Variants in ALDH1L1 observed in about 807,000 individuals in gnomAD.
The protein encoded by ALDH1L1 is aldehyde dehydrogenase 1 family member L1.
In ALDH1L1, 68 loss-of-function variants were observed where a neutral mutation model predicts 101.1. The ratio of observed to expected loss-of-function variants is 0.67; its 90% CI spans 0.55 to 0.82. The LOEUF (loss-of-function observed/expected upper bound fraction) is 0.82. Among genes scored for constraint, ALDH1L1 ranks in the 40% least tolerant of loss-of-function variants. The pLI, the probability that ALDH1L1 is intolerant of heterozygous loss-of-function variation, is 0.00. For synonymous variants in ALDH1L1, 486 were observed against 470.8 expected, an observed-to-expected ratio of 1.03 and a Z score of -0.42; for missense variants, 1,087 against 1,172.7, an observed-to-expected ratio of 0.93 and a Z score of 1.07.
chr3:126,170,197 T>G (rs2081247261), intron 1 of ALDH1L1, among the ~76,000 whole-genome samples: 1 of 152,176 alleles, frequency 6.6e-6, no homozygotes, highest in Non-Finnish European at 1.5e-5. Context: ...TTAAGCCAAC[T>G]ATTAAAACCT....
At position 126,149,999 on chromosome 3, in the gene ALDH1L1, G is replaced by A. The variant is rs189618686; in HGVS notation, c.984+407C>T. Among the ~76,000 whole-genome samples, 796 of 152,346 alleles carry A rather than the reference G, an allele frequency of 5.2e-3. 5 individuals carry two copies. Among genetic ancestry groups the A allele is most frequent in the Non-Finnish European group, 7.4e-3 (504 of 68,028 alleles). On this transcript the variant is annotated intron_variant, in intron 8 of 22. Transcript: ENST00000393434. ...TGGGGCAAAGCTGGATTGGAGACCA[G>A]GTGTGCCTTATGGGCAGCTTGTGTT...
chr3:126,188,719 T>C (rs2108353017), intron 1 of ALDH1L1, among the ~76,000 whole-genome samples: 1 of 152,292 alleles, frequency 6.6e-6, no homozygotes, highest in Non-Finnish European at 1.5e-5. Flanking sequence ...AATAAATAGA[T>C]ACCATTTAAT....
chr3:126,193,986 T>C (rs978814021), intron 1 of ALDH1L1, among the ~76,000 whole-genome samples: 11 of 152,208 alleles, frequency 7.2e-5, no homozygotes, highest in Admixed American at 2.0e-4. Context: ...TTAGGGTCCA[T>C]TTCATCCTTT....
upstream of ALDH1L1, among the ~76,000 whole-genome samples, chr3:126,184,945 G>T (rs746842698): frequency 6.6e-6 from 1 of 152,126 alleles, no homozygotes; most frequent in Non-Finnish European, 1.5e-5. Flanking sequence ...TCGTTCAGAT[G>T]CTTCTACCCT....
intron 3 of ALDH1L1, among the ~76,000 whole-genome samples, chr3:126,158,063 C>T (rs1401351598): frequency 2.6e-5 from 4 of 152,154 alleles, no homozygotes; most frequent in South Asian, 2.1e-4. Context: ...CCTGGGGTGG[C>T]ACCCTGGCCC....
chr3:126,105,309 GC>G, intron 22 of ALDH1L1: 1 of 319,428 alleles, frequency 3.1e-6, no homozygotes, highest in Non-Finnish European at 6.2e-6. Context: ...CTCCCCCTTG[GC>G]CCACTCCCAC....
intron 9 of ALDH1L1, among the ~76,000 whole-genome samples, chr3:126,144,590 A>C (rs2080634713): frequency 6.6e-6 from 1 of 152,274 alleles, no homozygotes; most frequent in Non-Finnish European, 1.5e-5. Context: ...TGCCAAGAAT[A>C]CATAATGGGG....
chr3:126,187,367 T>A (rs2081526324), intron 1 of ALDH1L1, among the ~76,000 whole-genome samples: 1 of 152,000 alleles, frequency 6.6e-6, no homozygotes, highest in Admixed American at 6.6e-5. Context: ...GGTAGCTAGA[T>A]GGACGGTGGG....
At chr3:126,163,758 G>A (rs2081108226) in intron 1 of ALDH1L1, among the ~76,000 whole-genome samples, 1 of 152,140 alleles carries the variant, frequency 6.6e-6, no homozygotes, top group African/African-American at 2.4e-5. Flanking sequence ...AATACCACTT[G>A]ACCATGATGT....
At position 126,124,382 on chromosome 3, in the gene ALDH1L1, T is replaced by G; in HGVS notation, c.1870A>C (p.Asn624His). Residue 624 changes from asparagine (N) to histidine (H), a missense_variant, in exon 16 of 23, where the codon AAC becomes CAC. Asn to His is a moderately conservative substitution (Grantham distance 68). Around this residue, in one of 2 missense-constraint regions of ALDH1L1, gnomAD observed 442 missense variants for 535.7 expected, o/e 0.83. Coordinates refer to ENST00000393434, the MANE Select transcript of ALDH1L1 (RefSeq NM_012190.4). ...CTCTTACCAGATCCTGGGAGGACGT[T>G]AACCACACCTTTGGGAATGCCGGCC... ...LKAGIPKGVVNVLPGSGSLVG... is the reference protein window; with the variant it reads ...LKAGIPKGVVHVLPGSGSLVG... 6.2e-7 allele frequency: 1 copy of G among 1,611,878 alleles called. No individual in the cohort carries two copies. The highest frequency in any genetic ancestry group is 8.5e-7 in the Non-Finnish European group (1 of 1,179,108).
At chr3:126,117,981 T>C in intron 17 of ALDH1L1, 24 bp downstream of exon 17, 1 of 1,601,262 alleles carries the variant, frequency 6.2e-7, no homozygotes, top group Non-Finnish European at 8.5e-7. Flanking sequence ...CAGCCCCTCC[T>C]CTGCTCCACC....
chr3:126,105,435 C>A, intron 22 of ALDH1L1: 1 of 435,112 alleles, frequency 2.3e-6, no homozygotes, highest in Non-Finnish European at 4.3e-6. Context: ...CCCTGCTATG[C>A]AGGTCTGGGT....
chr3:126,154,183 G>A (rs574362018), intron 6 of ALDH1L1, among the ~76,000 whole-genome samples: 29 of 152,300 alleles, frequency 1.9e-4, no homozygotes, highest in African/African-American at 3.8e-4. Context: ...GCCTGCCCAC[G>A]GTCAGCCTGG....
chr3:126,136,126 T>C (rs1413987589), intron 11 of ALDH1L1, among the ~76,000 whole-genome samples: 1 of 152,124 alleles, frequency 6.6e-6, no homozygotes, highest in Non-Finnish European at 1.5e-5. Flanking sequence ...CCCTACCCCC[T>C]CCCTCTCCCT....
At chr3:126,112,982 A>G in intron 18 of ALDH1L1, 102 bp from the exon 19 acceptor site, 1 of 1,015,640 alleles carries the variant, frequency 9.8e-7, no homozygotes, top group African/African-American at 1.6e-5. Flanking sequence ...GAAAGGAGGC[A>G]CCCATGTGTC....
At chr3:126,166,425 A>G in intron 1 of ALDH1L1, among the ~76,000 whole-genome samples, 1 of 152,322 alleles carries the variant, frequency 6.6e-6, no homozygotes, top group East Asian at 1.9e-4. Context: ...CCTTTAATAA[A>G]AAAGAGTGCT....
At chr3:126,183,548 A>G (rs543309985), upstream of ALDH1L1, among the ~76,000 whole-genome samples, 34 of 152,166 alleles carry the variant, frequency 2.2e-4, no homozygotes, top group Non-Finnish European at 4.4e-4. Context: ...CTCTGGGGCC[A>G]GAGTCAGACT....
intron 1 of ALDH1L1, among the ~76,000 whole-genome samples, chr3:126,192,986 T>C (rs1199693517): frequency 6.6e-6 from 1 of 152,142 alleles, no homozygotes; most frequent in East Asian, 1.9e-4. Flanking sequence ...AGGTTGGAGT[T>C]TGCCTTATTT....
At position 126,136,774 on chromosome 3, in the gene ALDH1L1, G is replaced by A. The variant is rs1418806126; in HGVS notation, c.1334C>T (p.Thr445Ile). 6.4e-7 allele frequency: 1 copy of A among 1,574,336 alleles called. No homozygotes were observed. Among genetic ancestry groups the A allele is most frequent in the East Asian group, 2.3e-5 (1 of 43,220 alleles). Residue 445 changes from threonine (T) to isoleucine (I), a missense_variant, in exon 11 of 23, where the codon ACC becomes ATC. Physicochemically the swap from Thr to Ile is moderately conservative, Grantham distance 89 (BLOSUM62 -1). Transcript: ENST00000393434. Reference sequence around the variant, plus strand: ...TGGGCCTGCACTCACACTTCCATCGGTGGGATTGATGGTCTCAGAGGTCTT... The same window carrying A: ...TGGGCCTGCACTCACACTTCCATCGATGGGATTGATGGTCTCAGAGGTCTT... ...GAKTSETINP[T>I]DGSVICQVSL...
Sources: gnomAD v4.1 joint callset for allele counts (sites outside exome capture counted in the v4.1 genomes callset) on GRCh38, gnomAD v4.1.1 for gene constraint, gnomAD v4.1.1 regional missense constraint, MANE v1.5 for transcripts, NCBI Gene and HGNC (gene_info 2026-07-23, HGNC 2026-07-21) for gene names.